The following MEIOSIN variants were observed in gnomAD, a reference collection of about 807,000 sequenced individuals.
MEIOSIN encodes the protein meiosis initiator protein.
In MEIOSIN, 18 loss-of-function variants were observed where a neutral mutation model predicts 23.4. The observed-to-expected ratio is 0.77, with a 90% CI of 0.53 to 1.14. The LOEUF (loss-of-function observed/expected upper bound fraction) is 1.14, where lower values mean the gene tolerates loss of function less well. Ranked by LOEUF, MEIOSIN falls within the 50% of genes most tolerant of loss-of-function variation. The pLI is 0.00. For synonymous variants in MEIOSIN, 187 were observed against 100.6 expected (o/e 1.86, Z -5.14); for missense variants, 428 against 242.9 (o/e 1.76, Z -5.07).
In MEIOSIN at chr19:45,757,256, A is replaced by G; in HGVS notation, c.991A>G (p.Thr331Ala). 7.1e-6 allele frequency: 5 copies of G among 702,732 alleles called. No homozygotes were observed. Among genetic ancestry groups the G allele is most frequent in the Non-Finnish European group, 1.3e-5 (5 of 384,860 alleles). The allele number at this position is 702,732 out of a possible 1,614,324, so 43.5% of individuals were successfully genotyped here. ...CGCTGACCCTTGGCTCCCTGCCTGG[A>G]CCCCAGAGAACAGCCCCCAAGGTGA... is the stretch of plus-strand genomic sequence containing the variant. ...LDADPWLPAW[T>A]PENSPQGSPL... is the part of the protein sequence containing the mutation. The change falls in exon 9 of 15, where the codon ACC becomes GCC. Residue 331 changes from threonine (T) to alanine (A), a missense_variant. Physicochemically the swap from Thr to Ala is moderately conservative, Grantham distance 58. Coordinates refer to ENST00000457052, the MANE Select transcript of MEIOSIN (RefSeq NM_001310124.2).
intron 7 of MEIOSIN, among the ~76,000 whole-genome samples, chr19:45,755,115 T>C (rs1025922072): frequency 6.6e-6 from 1 of 151,784 alleles, no homozygotes; most frequent in African/African-American, 2.4e-5. Flanking sequence ...AGGCCTCAAG[T>C]CATCTCGTTC....
chr19:45,740,929 A>G (rs935086097), intron 3 of MEIOSIN, among the ~76,000 whole-genome samples: 1 of 152,116 alleles, frequency 6.6e-6, no homozygotes, highest in African/African-American at 2.4e-5. Flanking sequence ...CATTAATTCA[A>G]TAATTCTTTA....
In MEIOSIN at chr19:45,758,913, G is replaced by A; in HGVS notation, c.1048G>A (p.Val350Ile). The change falls in exon 10 of 15, where the codon GTC (valine) becomes ATC (isoleucine). Residue 350 changes from valine (V) to isoleucine (I), a missense_variant. Coordinates refer to ENST00000457052, the MANE Select transcript of MEIOSIN (RefSeq NM_001310124.2). ...PLFLGPPQIDVWSGTGHPSEI... is the reference protein window; with the variant it reads ...PLFLGPPQIDIWSGTGHPSEI... ...GTTCCTGGGGCCTCCCCAGATTGAT[G>A]TCTGGAGTGGAACAGGCCACCCAAG... 1.4e-6 allele frequency: 1 copy of A among 703,088 alleles called. No individual in the cohort carries two copies. The highest frequency in any genetic ancestry group is 2.7e-5 in the East Asian group (1 of 37,288). The allele number at this position is 703,088 out of a possible 1,614,324, so 43.6% of individuals were successfully genotyped here.
At chr19:45,736,339 A>G (rs781186848) in intron 2 of MEIOSIN, among the ~76,000 whole-genome samples, 2 of 151,496 alleles carry the variant, frequency 1.3e-5, no homozygotes, top group Admixed American at 1.3e-4. Context: ...ACCACGCCCA[A>G]CTGACATTCT....
At chr19:45,753,578 C>G (rs976897718) in intron 5 of MEIOSIN, 73 bp from the exon 6 acceptor site, 2 of 646,564 alleles carry the variant, frequency 3.1e-6, no homozygotes, top group Non-Finnish European at 5.6e-6. Flanking sequence ...GGAGCATTGT[C>G]TGGAAGGCAG....
chr19:45,738,688 C>T (rs76414663), intron 2 of MEIOSIN, among the ~76,000 whole-genome samples: 4,822 of 152,308 alleles, frequency 0.032, 90 homozygotes, highest in Non-Finnish European at 0.039. Flanking sequence ...AGAAGTATGG[C>T]TTCTACTGAA....
intron 3 of MEIOSIN, among the ~76,000 whole-genome samples, chr19:45,743,288 G>A (rs1187773392): frequency 1.3e-5 from 2 of 152,180 alleles, no homozygotes; most frequent in African/African-American, 4.8e-5. Flanking sequence ...AACTTTATAA[G>A]TAGACCTGGA....
chr19:45,755,562 C>G (rs1600387773), intron 7 of MEIOSIN, among the ~76,000 whole-genome samples: 2 of 152,192 alleles, frequency 1.3e-5, no homozygotes, highest in Non-Finnish European at 2.9e-5. Flanking sequence ...AAACAATTCT[C>G]TGCCTCAGCC....
chr19:45,743,505 C>T (rs1034517672), intron 3 of MEIOSIN, among the ~76,000 whole-genome samples: 4 of 152,060 alleles, frequency 2.6e-5, no homozygotes, highest in Non-Finnish European at 4.4e-5. Flanking sequence ...CAGGAGGTAA[C>T]TTGGGGACTC....
intron 4 of MEIOSIN, among the ~76,000 whole-genome samples, chr19:45,749,706 A>C (rs979282569): frequency 2.7e-5 from 4 of 149,840 alleles, no homozygotes; most frequent in Non-Finnish European, 4.5e-5. Context: ...AAAAAAAAAA[A>C]ACAAAAAAAG....
intron 9 of MEIOSIN, among the ~76,000 whole-genome samples, chr19:45,757,839 T>C (rs892897902): frequency 6.6e-6 from 1 of 151,942 alleles, no homozygotes; most frequent in African/African-American, 2.4e-5. Context: ...GTTTTTGTTT[T>C]GTTTTTTCTT....
At chr19:45,752,993 G>A (rs1454624678) in intron 5 of MEIOSIN, among the ~76,000 whole-genome samples, 7 of 142,092 alleles carry the variant, frequency 4.9e-5, no homozygotes, top group African/African-American at 1.9e-4. Flanking sequence ...GCGAAATTTC[G>A]GATCACTGCA....
chr19:45,744,871 C>G (rs999165177), intron 3 of MEIOSIN, among the ~76,000 whole-genome samples: 2 of 152,094 alleles, frequency 1.3e-5, no homozygotes, highest in African/African-American at 4.8e-5. Flanking sequence ...AGAAAGGTCA[C>G]CCTGACTCTA....
intron 11 of MEIOSIN, among the ~76,000 whole-genome samples, chr19:45,759,896 G>A (rs1778441869): frequency 6.6e-6 from 1 of 151,854 alleles, no homozygotes; most frequent in Non-Finnish European, 1.5e-5. Context: ...CCGCCTCCCG[G>A]GTTCAAACAA....
rs1471468847 is a variant in MEIOSIN, at chr19:45,753,649, A to G, written c.419-2A>G. ...GAGCTGTTTCCCTCTCCATCCCTGC[A>G]GGGCTGGGTCAGAAACCAGCCTGGG... On this transcript the variant is annotated splice_acceptor_variant, in intron 5 of 14. Transcript: ENST00000457052. LOFTEE classifies it high-confidence loss of function. 3 of 701,728 alleles carry G rather than the reference A, an allele frequency of 4.3e-6. No individual in the cohort carries two copies. The highest frequency in any genetic ancestry group is 7.8e-6 in the Non-Finnish European group (3 of 384,450). The allele number at this position is 701,728 out of a possible 1,614,324, so 43.5% of individuals were successfully genotyped here. A position where few individuals can be genotyped will look rare whatever the true frequency, so the allele number is the denominator to read the frequency against.
intron 11 of MEIOSIN, among the ~76,000 whole-genome samples, chr19:45,760,237 G>A (rs1031550844): frequency 3.3e-5 from 5 of 152,074 alleles, no homozygotes; most frequent in Admixed American, 6.5e-5. Flanking sequence ...AGAGGCTGAC[G>A]TAGGCGGATC....
intron 1 of MEIOSIN, among the ~76,000 whole-genome samples, chr19:45,734,886 G>A (rs1248965517): frequency 2.0e-5 from 3 of 151,238 alleles, no homozygotes; most frequent in African/African-American, 7.3e-5. Flanking sequence ...TAGAGGTTTA[G>A]GGGTTTGTTT....
rs1968761172 is a variant in MEIOSIN, at chr19:45,753,756, A to G, written c.524A>G (p.Lys175Arg). 1.4e-6 allele frequency: 1 copy of G among 702,732 alleles called. No individual in the cohort carries two copies. Among genetic ancestry groups the G allele is most frequent in the African/African-American group, 1.7e-5 (1 of 57,260 alleles). The allele number at this position is 702,732 out of a possible 1,614,324, so 43.5% of individuals were successfully genotyped here. ...TCCTGTCTCCAGGGGGCGTGCCAGA[A>G]GCCTCGGAAGAAGAAGCTGACCCAG... Reference protein sequence around the residue: ...QKSCLQGACQKPRKKKLTQAS... With the variant: ...QKSCLQGACQRPRKKKLTQAS... The change falls in exon 6 of 15, where the codon AAG becomes AGG. Residue 175 changes from lysine to arginine, a missense_variant. Physicochemically the swap from Lys to Arg is conservative, Grantham distance 26. Coordinates refer to ENST00000457052, the MANE Select transcript of MEIOSIN (RefSeq NM_001310124.2).
chr19:45,753,643 C>A lies in MEIOSIN; in HGVS notation c.419-8C>A. 1 of 699,350 alleles carries A rather than the reference C, an allele frequency of 1.4e-6. No homozygotes were observed. Among genetic ancestry groups the A allele is most frequent in the Non-Finnish European group, 2.6e-6 (1 of 383,522 alleles). 43.3% of individuals were successfully genotyped at this position (699,350 alleles called of 1,614,324 possible). On this transcript the variant is annotated splice_polypyrimidine_tract_variant and splice_region_variant and intron_variant, in intron 5 of 14. Coordinates refer to ENST00000457052, the MANE Select transcript of MEIOSIN (RefSeq NM_001310124.2). Reference sequence around the variant, plus strand: ...GGATCTGAGCTGTTTCCCTCTCCATCCCTGCAGGGCTGGGTCAGAAACCAG... The same window carrying A: ...GGATCTGAGCTGTTTCCCTCTCCATACCTGCAGGGCTGGGTCAGAAACCAG...
Sources: allele counts gnomAD v4.1 joint callset (sites outside exome capture counted in the v4.1 genomes callset), GRCh38; gene constraint gnomAD v4.1.1; transcripts MANE v1.5; gene names NCBI Gene and HGNC (gene_info 2026-07-23, HGNC 2026-07-21).